Variants in AGBL4 observed in about 807,000 individuals in gnomAD.
AGBL4 encodes cytosolic carboxypeptidase 6.
Under a neutral mutation model 66.4 loss-of-function variants are expected in AGBL4, and 58 were observed. The ratio of observed to expected loss-of-function variants is 0.87; its 90% confidence interval spans 0.71 to 1.09. The LOEUF is 1.09. AGBL4 is among the 50% of genes least tolerant of loss of function. The pLI is 0.00. For synonymous variants in AGBL4, 234 were observed against 222.9 expected (o/e 1.05, Z -0.44); for missense variants, 579 against 631.0 (o/e 0.92, Z 0.88).
chr1:49,780,949 C>G (rs988208098), intron 2 of AGBL4, among the ~76,000 whole-genome samples: 2 of 152,036 alleles, frequency 1.3e-5, no homozygotes, highest in Middle Eastern at 3.2e-3. Flanking sequence ...CAACAACATC[C>G]AACTAACTAT....
At chr1:49,665,675 A>T (rs1272211529) in intron 3 of AGBL4, among the ~76,000 whole-genome samples, 2 of 152,064 alleles carry the variant, frequency 1.3e-5, no homozygotes, top group East Asian at 3.9e-4. Context: ...CAAACCATGA[A>T]TTTTGTTTGT....
At chr1:49,224,617 A>G (rs1349544339) in intron 4 of AGBL4, among the ~76,000 whole-genome samples, 1 of 62,158 alleles carries the variant, frequency 1.6e-5, no homozygotes, top group African/African-American at 4.4e-5. Flanking sequence ...ACTCCCTCTC[A>G]AAAAAAAAAA....
intron 4 of AGBL4, among the ~76,000 whole-genome samples, chr1:49,207,468 C>CTTTTTCTTTCTTTCTTTT (rs879532423): frequency 1.5e-4 from 2 of 13,706 alleles, no homozygotes; most frequent in Non-Finnish European, 7.8e-4. Context: ...TTCTTTCTTT[C>CTTTTTCTTTCTTTCTTTT]TCTTTCTTTC....
At chr1:49,578,516 G>GT (rs566874758) in intron 3 of AGBL4, among the ~76,000 whole-genome samples, 6 of 152,222 alleles carry the variant, frequency 3.9e-5, no homozygotes, top group Non-Finnish European at 8.8e-5. Flanking sequence ...AATGAGGACT[G>GT]TAATTGTCAT....
intron 1 of AGBL4, among the ~76,000 whole-genome samples, chr1:49,906,483 G>A (rs1359012963): frequency 6.6e-6 from 1 of 151,928 alleles, no homozygotes; most frequent in Admixed American, 6.6e-5. Flanking sequence ...CAGAGAGACT[G>A]ATTTAATAAA....
chr1:49,099,102 TATAA>T (rs1371319036), intron 4 of AGBL4, among the ~76,000 whole-genome samples: 8 of 152,174 alleles, frequency 5.3e-5, no homozygotes, highest in Non-Finnish European at 1.0e-4. Flanking sequence ...GTTCTTTTCA[TATAA>T]ATGTCACTGC....
At position 48,824,761 on chromosome 1, in the gene AGBL4, T is replaced by C. The variant is rs79716611; in HGVS notation, c.634+42430A>G. On this transcript the variant is annotated intron_variant, in intron 6 of 13. Coordinates refer to ENST00000371839, the MANE Select transcript of AGBL4 (RefSeq NM_032785.4). ...GAGCTTGGCCTGGAGAAGAGATGAC[T>C]TGGAGGTAGGCCAGGTTACTGCCTT... Among the ~76,000 whole-genome samples the C allele has an allele frequency of 2.4e-3, 371 of 152,192 alleles. 5 individuals carry two copies. In the East Asian group the frequency reaches 0.037, roughly 15 times the overall value.
chr1:48,873,033 T>G (rs1464382697), intron 5 of AGBL4, among the ~76,000 whole-genome samples: 1 of 152,200 alleles, frequency 6.6e-6, no homozygotes, highest in East Asian at 1.9e-4. Context: ...CTATGGCCTC[T>G]TAAAGCTCTC....
At chr1:48,610,161 G>T (rs1039845150) in intron 9 of AGBL4, among the ~76,000 whole-genome samples, 1 of 152,226 alleles carries the variant, frequency 6.6e-6, no homozygotes, top group African/African-American at 2.4e-5. Flanking sequence ...TGGAGAAGCT[G>T]CTGCTGCTGC....
chr1:49,150,966 C>T (rs1335019617), intron 4 of AGBL4, among the ~76,000 whole-genome samples: 2 of 152,072 alleles, frequency 1.3e-5, no homozygotes, highest in African/African-American at 4.8e-5. Context: ...TTAAAACTCT[C>T]TTTAAAAATA....
Position 49,851,483 on chromosome 1 carries a change from T to C in AGBL4, c.70A>G (p.Asn24Asp). 2.6e-6 allele frequency: 4 copies of C among 1,550,124 alleles called. No homozygotes were observed. Among genetic ancestry groups the C allele is most frequent in the South Asian group, 1.2e-5 (1 of 83,840 alleles). Reference protein sequence around the residue: ...DMGNDDAIGGNVSKYIVLPTG... With the variant: ...DMGNDDAIGGDVSKYIVLPTG... ...GGAAGCACTATATATTTGCTCACAT[T>C]CCCTCCAATGGCATCATCATTTCCC... The change falls in exon 2 of 14, where the codon AAT (asparagine) becomes GAT (aspartate). Residue 24 changes from asparagine to aspartate, a missense_variant. Transcript: ENST00000371839.
intron 3 of AGBL4, among the ~76,000 whole-genome samples, chr1:49,415,999 G>T (rs1230112985): frequency 6.6e-6 from 1 of 152,054 alleles, no homozygotes; most frequent in Non-Finnish European, 1.5e-5. Flanking sequence ...TTTGGGAGAG[G>T]ACATTATCTG....
chr1:49,790,254 C>G (rs1396199314), intron 2 of AGBL4, among the ~76,000 whole-genome samples: 1 of 151,590 alleles, frequency 6.6e-6, no homozygotes, highest in South Asian at 2.1e-4. Context: ...GTGTCAACTA[C>G]TCGGGAGGCT....
intron 3 of AGBL4, among the ~76,000 whole-genome samples, chr1:49,313,345 G>T (rs1462403810): frequency 6.6e-6 from 1 of 152,140 alleles, no homozygotes; most frequent in Non-Finnish European, 1.5e-5. Flanking sequence ...ACGTGTGCAT[G>T]TGTCTTTAGA....
intron 2 of AGBL4, among the ~76,000 whole-genome samples, chr1:49,815,032 ACT>A (rs1645198072): frequency 1.3e-5 from 2 of 151,718 alleles, no homozygotes; most frequent in African/African-American, 4.8e-5. Context: ...ATCCAATTAT[ACT>A]CTTTTAGTTA....
At chr1:50,005,802 G>A (rs779418435) in intron 1 of AGBL4, among the ~76,000 whole-genome samples, 3 of 152,096 alleles carry the variant, frequency 2.0e-5, no homozygotes, top group Admixed American at 6.6e-5. Flanking sequence ...TTAACAAACA[G>A]ATTAAAATAA....
At chr1:49,934,705 A>G (rs1653747557) in intron 1 of AGBL4, among the ~76,000 whole-genome samples, 1 of 152,192 alleles carries the variant, frequency 6.6e-6, no homozygotes, top group African/African-American at 2.4e-5. Context: ...AGAATAAGAA[A>G]GATCTTAAAT....
chr1:49,246,614 C>A (rs1390281467), intron 3 of AGBL4, among the ~76,000 whole-genome samples: 1 of 151,684 alleles, frequency 6.6e-6, no homozygotes, highest in African/African-American at 2.4e-5. Flanking sequence ...ATTCTAGATG[C>A]CTTTCCAAGA....
chr1:49,362,079 A>G (rs994585369), intron 3 of AGBL4, among the ~76,000 whole-genome samples: 1 of 152,036 alleles, frequency 6.6e-6, no homozygotes, highest in African/African-American at 2.4e-5. Context: ...GTCAACCTTG[A>G]TTTTTCCCAT....
Sources: gnomAD v4.1 joint callset for allele counts (sites outside exome capture counted in the v4.1 genomes callset) on GRCh38, gnomAD v4.1.1 for gene constraint, MANE v1.5 for transcripts, NCBI Gene and HGNC (gene_info 2026-07-23, HGNC 2026-07-21) for gene names.